The following DIP2C variants were observed in gnomAD, a reference collection of about 807,000 sequenced individuals.
DIP2C encodes the protein disco-interacting protein 2 homolog C.
Under a neutral mutation model 192.4 loss-of-function variants are expected in DIP2C, and 33 were observed. The ratio of observed to expected loss-of-function variants is 0.17; its 90% CI spans 0.13 to 0.23. DIP2C has a LOEUF of 0.23. Among genes scored for constraint, DIP2C ranks in the 10% least tolerant of loss-of-function variants. The pLI, the probability that DIP2C is intolerant of heterozygous loss-of-function variation, is 1.00. For synonymous variants in DIP2C, 979 were observed against 864.1 expected, an observed-to-expected ratio of 1.13 and a Z score of -2.33; for missense variants, 1,537 against 2,110.1, an observed-to-expected ratio of 0.73 and a Z score of 5.32.
intron 1 of DIP2C, among the ~76,000 whole-genome samples, chr10:601,937 G>A (rs1217687448): frequency 6.6e-6 from 1 of 152,186 alleles, no homozygotes; most frequent in Non-Finnish European, 1.5e-5. Flanking sequence ...TGATTGATCA[G>A]TGGGAACCGG....
intron 1 of DIP2C, among the ~76,000 whole-genome samples, chr10:564,132 C>G (rs945597186): frequency 1.2e-4 from 19 of 152,288 alleles, no homozygotes; most frequent in African/African-American, 4.6e-4. Flanking sequence ...AGCAAATTCT[C>G]AGACCCTGTG....
intron 32 of DIP2C, among the ~76,000 whole-genome samples, chr10:292,629 G>A (rs1452953218): frequency 6.6e-6 from 1 of 152,240 alleles, no homozygotes; most frequent in Non-Finnish European, 1.5e-5. Context: ...GGGAACGAAT[G>A]CATGGCTGTC....
intron 1 of DIP2C, among the ~76,000 whole-genome samples, chr10:681,604 T>C (rs1162767569): frequency 1.3e-5 from 2 of 151,884 alleles, no homozygotes; most frequent in African/African-American, 4.8e-5. Flanking sequence ...CTTAGTCACA[T>C]GGTACAGCCA....
At chr10:503,142 TACC>T (rs990753237) in intron 1 of DIP2C, among the ~76,000 whole-genome samples, 3 of 151,924 alleles carry the variant, frequency 2.0e-5, no homozygotes, top group African/African-American at 7.3e-5. Context: ...CCTGCGGACT[TACC>T]ACAATTCCAA....
At chr10:397,098 T>C (rs1964048178) in intron 10 of DIP2C, among the ~76,000 whole-genome samples, 1 of 152,206 alleles carries the variant, frequency 6.6e-6, no homozygotes. Flanking sequence ...ACGTGGCAGA[T>C]GGTTTTCTTA....
At chr10:679,625 T>C (rs1193049370) in intron 1 of DIP2C, among the ~76,000 whole-genome samples, 667 of 69,858 alleles carry the variant, frequency 9.5e-3, no homozygotes, top group African/African-American at 0.039. Context: ...GTGCTCCCTA[T>C]GCCCATGCTC....
chr10:318,595 C>G (rs190551454), intron 31 of DIP2C, among the ~76,000 whole-genome samples: 1 of 152,244 alleles, frequency 6.6e-6, no homozygotes, highest in Non-Finnish European at 1.5e-5. Flanking sequence ...GTGCCTCAAA[C>G]TGCCAAAGGA....
rs1314008317 is a variant in DIP2C at position 347,253 on chromosome 10, CGCACCCAACCCAGACACA to C, written c.3231+1370_3231+1387del. 2.1e-4 allele frequency among the ~76,000 whole-genome samples: 26 copies of C among 124,810 alleles called. 2 individuals are homozygous for C. Among genetic ancestry groups the C allele is most frequent in the African/African-American group, 2.7e-4 (8 of 29,558 alleles). 81.9% of individuals were successfully genotyped at this position (124,810 alleles called of 152,430 possible). On this transcript the variant is annotated intron_variant, in intron 26 of 36. Coordinates refer to ENST00000280886, the MANE Select transcript of DIP2C (RefSeq NM_014974.3). ...GCATAGTTCTCCCGGAAACCCCACA[CGCACCCAACCCAGACACA>C]TCACGCATAGTTCTCCCGGGAACCC...
At chr10:329,925 A>G (rs1957430467) in intron 29 of DIP2C, among the ~76,000 whole-genome samples, 2 of 152,216 alleles carry the variant, frequency 1.3e-5, no homozygotes, top group South Asian at 4.1e-4. Flanking sequence ...TCTTAGTAGA[A>G]AACACAGGGA....
At chr10:423,132 A>T (rs1966321757) in intron 4 of DIP2C, 99 bp from the exon 5 acceptor site, 1 of 1,165,578 alleles carries the variant, frequency 8.6e-7, no homozygotes, top group Admixed American at 2.5e-5. Context: ...CGTAAGTCTC[A>T]ATAGTTGTTC....
intron 1 of DIP2C, among the ~76,000 whole-genome samples, chr10:556,769 A>G (rs1337523767): frequency 1.3e-5 from 2 of 152,102 alleles, no homozygotes; most frequent in Non-Finnish European, 2.9e-5. Context: ...TTCTTGATGC[A>G]TCAAGCGAAA....
rs1326990249 is a variant in DIP2C at position 366,158 on chromosome 10, T to C, written c.2268+117A>G. On this transcript the variant is annotated intron_variant, in intron 19 of 36. Coordinates refer to ENST00000280886, the MANE Select transcript of DIP2C (RefSeq NM_014974.3). The stretch of plus-strand genomic sequence containing the variant: ...TAAAGTGCCATCGTTTTCATTCATA[T>C]AAACACGTCTTGCTAAAATGGATCT... The C allele has an allele frequency of 4.9e-6, 7 of 1,429,936 alleles. No individual in the cohort carries two copies. The Admixed American group carries it at 1.3e-4, about 27-fold the overall frequency. The allele number at this position is 1,429,936 out of a possible 1,614,324, so 88.6% of individuals were successfully genotyped here.
chr10:618,768 CCA>C (rs1246057085), intron 1 of DIP2C, among the ~76,000 whole-genome samples: 2 of 152,220 alleles, frequency 1.3e-5, no homozygotes, highest in East Asian at 1.9e-4. Flanking sequence ...TGACCTCGGT[CCA>C]CACAGACACG....
At chr10:304,668 C>G (rs1564529208) in intron 32 of DIP2C, among the ~76,000 whole-genome samples, 2 of 143,484 alleles carry the variant, frequency 1.4e-5, no homozygotes, top group Admixed American at 1.5e-4. Context: ...ACATGCAACA[C>G]ACACACAATA....
chr10:578,061 T>A (rs1024789602), intron 1 of DIP2C, among the ~76,000 whole-genome samples: 3 of 152,216 alleles, frequency 2.0e-5, no homozygotes, highest in African/African-American at 7.2e-5. Flanking sequence ...TTTGAGATTA[T>A]TCTCAAATTC....
At chr10:613,201 T>G (rs1853219774) in intron 1 of DIP2C, among the ~76,000 whole-genome samples, 2 of 152,212 alleles carry the variant, frequency 1.3e-5, no homozygotes. Context: ...ATTTCTAATT[T>G]CATCCCATTA....
intron 1 of DIP2C, among the ~76,000 whole-genome samples, chr10:604,546 C>T (rs1392294138): frequency 1.3e-5 from 2 of 152,226 alleles, no homozygotes; most frequent in Admixed American, 6.5e-5. Flanking sequence ...GCGTCATGAG[C>T]GCAAGCGTGC....
intron 36 of DIP2C, among the ~76,000 whole-genome samples, chr10:279,045 T>C (rs963473472): frequency 6.6e-6 from 1 of 152,204 alleles, no homozygotes. Context: ...AAAACGCATA[T>C]TTTATTCAGT....
intron 1 of DIP2C, among the ~76,000 whole-genome samples, chr10:496,609 C>T (rs886444222): frequency 7.9e-5 from 12 of 151,236 alleles, no homozygotes; most frequent in African/African-American, 2.7e-4. Flanking sequence ...GTACATTACT[C>T]GCAATACCCC....
Sources: allele counts gnomAD v4.1 joint callset (sites outside exome capture counted in the v4.1 genomes callset), GRCh38; gene constraint gnomAD v4.1.1; transcripts MANE v1.5; gene names NCBI Gene and HGNC (gene_info 2026-07-23, HGNC 2026-07-21).